Variants in SDK1 observed in about 807,000 individuals in gnomAD.
The protein encoded by SDK1 is protein sidekick-1.
A neutral mutation model predicts 245.5 loss-of-function variants in SDK1; 157 were observed. The observed-to-expected ratio is 0.64, with a 90% CI of 0.56 to 0.73. The LOEUF (loss-of-function observed/expected upper bound fraction) is 0.73. Ranked by LOEUF, SDK1 falls within the 30% of genes least tolerant of loss-of-function variation. SDK1 has a pLI of 0.00. For synonymous variants in SDK1, 1,647 were observed against 1,278.5 expected (o/e 1.29, Z -6.15); for missense variants, 3,583 against 3,002.3 (o/e 1.19, Z -4.52).
At chr7:4,203,691 G>C (rs1784025791) in intron 35 of SDK1, among the ~76,000 whole-genome samples, 1 of 152,206 alleles carries the variant, frequency 6.6e-6, no homozygotes, top group Non-Finnish European at 1.5e-5. Context: ...GTCAATGGCA[G>C]AGCCTTCCTG....
intron 2 of SDK1, among the ~76,000 whole-genome samples, 170 bp downstream of exon 2, chr7:3,619,409 G>C (rs969522397): frequency 8.5e-5 from 13 of 152,312 alleles, no homozygotes; most frequent in Middle Eastern, 6.8e-3. Context: ...TTACTATTCT[G>C]ATATAGGTTG....
intron 22 of SDK1, among the ~76,000 whole-genome samples, chr7:4,106,004 TC>T (rs1331579375): frequency 6.6e-6 from 1 of 152,182 alleles, no homozygotes; most frequent in African/African-American, 2.4e-5. Flanking sequence ...TCGACATCTT[TC>T]AAAAAGGGAG....
intron 1 of SDK1, among the ~76,000 whole-genome samples, chr7:3,478,090 A>T (rs1411891451): frequency 6.6e-6 from 1 of 152,174 alleles, no homozygotes; most frequent in Non-Finnish European, 1.5e-5. Context: ...ATCTGTCTTT[A>T]AATCACTGTA....
At chr7:4,019,288 G>T (rs1786677278) in intron 17 of SDK1, among the ~76,000 whole-genome samples, 1 of 152,166 alleles carries the variant, frequency 6.6e-6, no homozygotes, top group African/African-American at 2.4e-5. Flanking sequence ...AATCACACAG[G>T]CCACAAAGGC....
intron 41 of SDK1, among the ~76,000 whole-genome samples, chr7:4,235,792 A>G (rs545161495): frequency 6.4e-4 from 98 of 152,300 alleles, no homozygotes; most frequent in Non-Finnish European, 1.1e-3. Context: ...CACTGAGCTC[A>G]TCAGTCCTTC....
intron 17 of SDK1, 107 bp downstream of exon 17, chr7:4,017,459 C>T: frequency 5.2e-6 from 5 of 957,328 alleles, no homozygotes; most frequent in East Asian, 2.7e-5. Flanking sequence ...ATCCAGTCCC[C>T]TAGGGAGCGT....
chr7:3,743,898 A>G (rs950998389), intron 4 of SDK1, among the ~76,000 whole-genome samples: 1 of 152,200 alleles, frequency 6.6e-6, no homozygotes, highest in African/African-American at 2.4e-5. Context: ...ATGTCTTCCA[A>G]TGTGCTGACA....
chr7:4,082,973 A>C (rs1001734642), intron 22 of SDK1, among the ~76,000 whole-genome samples: 2 of 151,932 alleles, frequency 1.3e-5, no homozygotes, highest in Admixed American at 1.3e-4. Flanking sequence ...GATTCCCCCA[A>C]ATTTTCCAAA....
chr7:3,717,944 G>A (rs1785249112), intron 4 of SDK1, among the ~76,000 whole-genome samples: 2 of 150,358 alleles, frequency 1.3e-5, no homozygotes, highest in South Asian at 4.2e-4. Context: ...ACCTGGAACA[G>A]CCAAAGACAG....
At chr7:4,089,531 T>G (rs764737451) in intron 22 of SDK1, among the ~76,000 whole-genome samples, 3 of 152,188 alleles carry the variant, frequency 2.0e-5, no homozygotes, top group Admixed American at 6.5e-5. Flanking sequence ...CGGGGCAAGC[T>G]TCCTGCCTTC....
intron 1 of SDK1, among the ~76,000 whole-genome samples, chr7:3,577,186 C>T (rs1780321775): frequency 6.6e-6 from 1 of 152,062 alleles, no homozygotes; most frequent in Non-Finnish European, 1.5e-5. Context: ...AGACCTACTG[C>T]AAGACCCCCA....
chr7:4,241,680 G>A, intron 42 of SDK1, 113 bp from the exon 43 acceptor site: 1 of 1,332,100 alleles, frequency 7.5e-7, no homozygotes, highest in Non-Finnish European at 1.0e-6. Flanking sequence ...CTCAGCTCTG[G>A]GCTCTGCGTG....
At chr7:3,460,842 C>A (rs1317876943) in intron 1 of SDK1, among the ~76,000 whole-genome samples, 1 of 152,126 alleles carries the variant, frequency 6.6e-6, no homozygotes, top group Non-Finnish European at 1.5e-5. Context: ...ATATTTCCTG[C>A]TTGCTCTGTT....
chr7:4,213,767 C>T (rs528102643), intron 38 of SDK1, among the ~76,000 whole-genome samples: 3 of 152,280 alleles, frequency 2.0e-5, no homozygotes, highest in Admixed American at 1.3e-4. Flanking sequence ...GACACAAGAC[C>T]CTGCACATCT....
chr7:4,072,021 G>A (rs1015097763), intron 20 of SDK1, among the ~76,000 whole-genome samples: 59 of 152,202 alleles, frequency 3.9e-4, no homozygotes, highest in African/African-American at 1.3e-3. Flanking sequence ...AATAATTCAC[G>A]TTGAGCCAAC....
intron 4 of SDK1, among the ~76,000 whole-genome samples, chr7:3,761,958 A>G (rs2114990510): frequency 6.6e-6 from 1 of 152,318 alleles, no homozygotes; most frequent in South Asian, 2.1e-4. Context: ...CCATATGACA[A>G]GCCTTTAGCT....
In SDK1 at chr7:4,220,005, C is replaced by G. The variant is rs13224658; in HGVS notation, c.5540-104C>G. ...CTAATAGTAAGAAATACTTCCTTAG[C>G]AAACTGCAGGGACCACTTTCCTTGT... On this transcript the variant is annotated intron_variant, in intron 38 of 44. Transcript: ENST00000404826. The G allele has an allele frequency of 1.1e-3, 1,519 of 1,363,914 alleles. 3 individuals carry two copies. Among genetic ancestry groups the G allele is most frequent in the Non-Finnish European group, 1.1e-3 (1,053 of 998,316 alleles). The allele number at this position is 1,363,914 out of a possible 1,614,324, so 84.5% of individuals were successfully genotyped here.
At chr7:3,827,053 T>C (rs1779793123) in intron 5 of SDK1, among the ~76,000 whole-genome samples, 1 of 152,170 alleles carries the variant, frequency 6.6e-6, no homozygotes, top group South Asian at 2.1e-4. Context: ...AGGTGTCCCC[T>C]TTTCCCCTGT....
At chr7:4,237,359 T>C (rs1390797520) in intron 41 of SDK1, among the ~76,000 whole-genome samples, 2 of 151,782 alleles carry the variant, frequency 1.3e-5, no homozygotes, top group Non-Finnish European at 2.9e-5. Flanking sequence ...GATACTGAAG[T>C]CTCCAGGGCA....
Sources: gnomAD v4.1 joint callset for allele counts (sites outside exome capture counted in the v4.1 genomes callset) on GRCh38, gnomAD v4.1.1 for gene constraint, MANE v1.5 for transcripts, NCBI Gene and HGNC (gene_info 2026-07-23, HGNC 2026-07-21) for gene names.